The following RBMS2 variants were observed in gnomAD, a reference collection of about 807,000 sequenced individuals.
The protein encoded by RBMS2 is RNA binding motif single stranded interacting protein 2, also known as RNA-binding motif, single-stranded-interacting protein 2.
A neutral mutation model predicts 58.4 loss-of-function variants in RBMS2; 38 were observed. The observed-to-expected ratio is 0.65, with a 90% CI of 0.50 to 0.85. The LOEUF (loss-of-function observed/expected upper bound fraction) is 0.85. RBMS2 is among the 40% of genes least tolerant of loss of function. The pLI is 0.00. For synonymous variants in RBMS2, 151 were observed against 180.7 expected (o/e 0.84, Z 1.32); for missense variants, 367 against 503.7 (o/e 0.73, Z 2.60).
In RBMS2 at chr12:56,589,036, G is replaced by A. The variant is rs1165232708; in HGVS notation, c.*6+18G>A. ...AACAGTGGGTAAGAACCACATGCTGGGGGGCAGGGAGGGCTGCACTGGCAG... is the reference window on the plus strand; with the variant it reads ...AACAGTGGGTAAGAACCACATGCTGAGGGGCAGGGAGGGCTGCACTGGCAG... On this transcript the variant is annotated intron_variant, in intron 13 of 13. Transcript: ENST00000262031. The A allele has an allele frequency of 8.1e-6, 13 of 1,613,982 alleles. No individual in the cohort carries two copies. The highest frequency in any genetic ancestry group is 1.6e-4 in the Middle Eastern group (1 of 6,082).
At chr12:56,567,615 C>A (rs1010715365) in intron 2 of RBMS2, among the ~76,000 whole-genome samples, 2 of 151,950 alleles carry the variant, frequency 1.3e-5, no homozygotes, top group Non-Finnish European at 2.9e-5. Flanking sequence ...GGCAGCAGGA[C>A]TGCTTGAGGC....
intron 4 of RBMS2, among the ~76,000 whole-genome samples, 146 bp from the exon 5 acceptor site, chr12:56,571,544 TGGTAGTGG>T (rs1288741621): frequency 6.6e-6 from 1 of 152,180 alleles, no homozygotes; most frequent in Non-Finnish European, 1.5e-5. Context: ...ATACAACCCG[TGGTAGTGG>T]GACTGGGTGT....
upstream of RBMS2, among the ~76,000 whole-genome samples, chr12:56,521,502 G>GTTTTTTTTTTTTTTTTTTTTTT (rs68129205): frequency 2.7e-5 from 2 of 73,168 alleles, no homozygotes; most frequent in African/African-American, 1.1e-4. Context: ...CTCTAACTCT[G>GTTTTTTTTTTTTTTTTTTTTTT]TTTTTTTTTT....
chr12:56,561,762 C>A (rs1018687254), intron 1 of RBMS2, among the ~76,000 whole-genome samples: 31 of 37,858 alleles, frequency 8.2e-4, no homozygotes, highest in Non-Finnish European at 2.4e-3. Context: ...TGATCCACCC[C>A]CCCCCTCCTT....
At chr12:56,536,565 T>C (rs2933234) in intron 1 of RBMS2, among the ~76,000 whole-genome samples, 66,371 of 150,092 alleles carry the variant, frequency 0.44, 15,062 homozygotes, top group South Asian at 0.54. Context: ...TTCTTTCTTT[T>C]TTTTTTTTGT....
intron 7 of RBMS2, 24 bp downstream of exon 7, chr12:56,581,532 G>T: frequency 6.3e-7 from 1 of 1,591,624 alleles, no homozygotes; most frequent in Non-Finnish European, 8.6e-7. Context: ...TGAGGAGACA[G>T]GAGTACTAAC....
intron 4 of RBMS2, among the ~76,000 whole-genome samples, chr12:56,570,625 T>C (rs1200237763): frequency 2.0e-5 from 3 of 152,244 alleles, no homozygotes; most frequent in Non-Finnish European, 4.4e-5. Context: ...TCGCCCCGGC[T>C]GGAGTGCAGT....
intron 1 of RBMS2, among the ~76,000 whole-genome samples, chr12:56,543,973 G>A (rs1260091138): frequency 1.3e-5 from 2 of 150,708 alleles, no homozygotes; most frequent in East Asian, 4.1e-4. Flanking sequence ...CGGCCATAGA[G>A]TCACCTTTTA....
At chr12:56,553,788 C>CT (rs1396652956) in intron 1 of RBMS2, among the ~76,000 whole-genome samples, 1 of 148,516 alleles carries the variant, frequency 6.7e-6, no homozygotes, top group Non-Finnish European at 1.5e-5. Flanking sequence ...AAAATTGAGT[C>CT]TTTTTTAAAA....
At chr12:56,563,358 G>T (rs1478414109) in intron 2 of RBMS2, among the ~76,000 whole-genome samples, 5 of 152,134 alleles carry the variant, frequency 3.3e-5, no homozygotes, top group Non-Finnish European at 2.9e-5. Flanking sequence ...AGAGCTGGCA[G>T]TGGGGATGGA....
At chr12:56,581,932 A>T in intron 8 of RBMS2, 53 bp downstream of exon 8, 5 of 1,596,384 alleles carry the variant, frequency 3.1e-6, no homozygotes, top group Non-Finnish European at 4.3e-6. Context: ...CTGTGTCCAG[A>T]CACTCAAATG....
At chr12:56,570,280 T>A (rs533080271) in intron 4 of RBMS2, among the ~76,000 whole-genome samples, 120 of 152,302 alleles carry the variant, frequency 7.9e-4, no homozygotes, top group African/African-American at 2.8e-3. Context: ...CCCTATATTA[T>A]TCACCCTGGC....
At chr12:56,536,768 C>A (rs1394763711) in intron 1 of RBMS2, among the ~76,000 whole-genome samples, 1 of 151,684 alleles carries the variant, frequency 6.6e-6, no homozygotes, top group Non-Finnish European at 1.5e-5. Flanking sequence ...GGGGTTTCAC[C>A]ATGCTGGCCA....
chr12:56,532,465 C>G (rs1480857340), intron 1 of RBMS2, among the ~76,000 whole-genome samples: 1 of 151,730 alleles, frequency 6.6e-6, no homozygotes, highest in Non-Finnish European at 1.5e-5. Flanking sequence ...TTGCTTGAAC[C>G]TGGGAGATGG....
chr12:56,543,258 G>A (rs1422974612), intron 1 of RBMS2, among the ~76,000 whole-genome samples: 1 of 151,960 alleles, frequency 6.6e-6, no homozygotes, highest in Non-Finnish European at 1.5e-5. Context: ...CGAGGCGGGT[G>A]GATCACCTGA....
chr12:56,593,368 C>G lies in RBMS2; in HGVS notation c.*4235C>G, dbSNP rs988508723. 1 of 151,638 alleles carries G rather than the reference C, an allele frequency of 6.6e-6. No individual in the cohort carries two copies. The highest frequency in any genetic ancestry group is 1.5e-5 in the Non-Finnish European group (1 of 67,970). The allele number at this position is 151,638 out of a possible 1,614,324, so 9.4% of individuals were successfully genotyped here. ...ATGGGGTTTTACCACGTTGGCCAGGCTAGTGTCCAACTCCTGACCTCCAAA... is the reference window on the plus strand; with the variant it reads ...ATGGGGTTTTACCACGTTGGCCAGGGTAGTGTCCAACTCCTGACCTCCAAA... On this transcript the variant is annotated 3_prime_UTR_variant, in exon 14 of 14. Transcript: ENST00000262031.
intron 1 of RBMS2, among the ~76,000 whole-genome samples, chr12:56,530,873 C>T (rs182092669): frequency 2.4e-4 from 37 of 152,226 alleles, no homozygotes; most frequent in African/African-American, 7.9e-4. Context: ...TTACTTCACT[C>T]ATATTACTTA....
At chr12:56,528,494 A>G (rs747917527) in intron 1 of RBMS2, among the ~76,000 whole-genome samples, 2 of 152,168 alleles carry the variant, frequency 1.3e-5, no homozygotes. Flanking sequence ...GCAGAACCCA[A>G]ATAGAAAGTA....
chr12:56,538,388 C>T (rs138573468), intron 1 of RBMS2, among the ~76,000 whole-genome samples: 1,824 of 151,344 alleles, frequency 0.012, 11 homozygotes, highest in South Asian at 0.016. Flanking sequence ...CAGGCATGAG[C>T]CACTACACCT....
Sources: allele counts gnomAD v4.1 joint callset (sites outside exome capture counted in the v4.1 genomes callset), GRCh38; gene constraint gnomAD v4.1.1; transcripts MANE v1.5; gene names NCBI Gene and HGNC (gene_info 2026-07-23, HGNC 2026-07-21).